TAFA2: variants seen among roughly 807,000 people sequenced by gnomAD.
TAFA2 encodes chemokine-like protein TAFA-2.
In TAFA2, 7 loss-of-function variants were observed where a neutral mutation model predicts 18.8. The ratio of observed to expected loss-of-function variants is 0.37; its 90% confidence interval spans 0.21 to 0.70. The LOEUF (loss-of-function observed/expected upper bound fraction) is 0.70, where lower values mean the gene tolerates loss of function less well. Among genes scored for constraint, TAFA2 ranks in the 30% least tolerant of loss-of-function variants. TAFA2 has a pLI of 0.53. For missense variants in TAFA2, 122 were observed against 158.1 expected (o/e 0.77, Z 1.23); for synonymous variants, 60 against 54.2 (o/e 1.11, Z -0.47).
At chr12:61,841,464 T>C (rs1295914924) in intron 2 of TAFA2, among the ~76,000 whole-genome samples, 2 of 152,092 alleles carry the variant, frequency 1.3e-5, no homozygotes, top group African/African-American at 4.8e-5. Flanking sequence ...GCTGTAAACA[T>C]GTGCATTAAT....
At chr12:61,873,863 T>C (rs955981444) in intron 1 of TAFA2, among the ~76,000 whole-genome samples, 2 of 152,116 alleles carry the variant, frequency 1.3e-5, no homozygotes, top group African/African-American at 4.8e-5. Context: ...TCGGTATTCA[T>C]AGAGATTAAA....
upstream of TAFA2, among the ~76,000 whole-genome samples, chr12:62,259,268 C>A (rs1408604100): frequency 6.6e-6 from 1 of 152,070 alleles, no homozygotes; most frequent in African/African-American, 2.4e-5. Context: ...AGTAATTTTG[C>A]CACAATTCAT....
intron 1 of TAFA2, among the ~76,000 whole-genome samples, chr12:62,246,233 G>T (rs916606514): frequency 6.6e-6 from 1 of 152,104 alleles, no homozygotes; most frequent in Non-Finnish European, 1.5e-5. Context: ...TGATCTGCCC[G>T]CCTGGGCCTC....
At chr12:62,190,885 C>T (rs991423004) in intron 1 of TAFA2, among the ~76,000 whole-genome samples, 17 of 152,138 alleles carry the variant, frequency 1.1e-4, no homozygotes, top group African/African-American at 4.1e-4. Context: ...AAATGGTTAC[C>T]AGCCAGGATG....
At chr12:62,142,902 G>A (rs2136909233) in intron 1 of TAFA2, among the ~76,000 whole-genome samples, 1 of 152,224 alleles carries the variant, frequency 6.6e-6, no homozygotes, top group South Asian at 2.1e-4. Flanking sequence ...TAATCCTTAT[G>A]AGAACGCTAT....
At chr12:62,219,720 C>T (rs1034799704) in intron 1 of TAFA2, among the ~76,000 whole-genome samples, 12 of 152,118 alleles carry the variant, frequency 7.9e-5, no homozygotes, top group Admixed American at 6.5e-4. Flanking sequence ...ATATAAATCA[C>T]TCACCCAGTA....
At chr12:62,160,494 T>C (rs748763299) in intron 1 of TAFA2, among the ~76,000 whole-genome samples, 15 of 152,234 alleles carry the variant, frequency 9.9e-5, no homozygotes, top group Non-Finnish European at 1.8e-4. Context: ...TTTGTCTTTG[T>C]ACCCCTAACC....
intron 1 of TAFA2, among the ~76,000 whole-genome samples, chr12:62,080,577 T>C (rs1268070315): frequency 6.6e-6 from 1 of 152,174 alleles, no homozygotes; most frequent in Non-Finnish European, 1.5e-5. Context: ...GCTACTGGTA[T>C]GGCTTCTCTG....
chr12:61,793,897 G>A (rs1871086415), intron 2 of TAFA2, among the ~76,000 whole-genome samples: 1 of 151,706 alleles, frequency 6.6e-6, no homozygotes, highest in South Asian at 2.1e-4. Context: ...GACCAAGTTG[G>A]GGTTTACTAG....
At chr12:62,078,428 AAAG>A (rs1202750114) in intron 1 of TAFA2, among the ~76,000 whole-genome samples, 1 of 151,532 alleles carries the variant, frequency 6.6e-6, no homozygotes, top group Admixed American at 6.6e-5. Context: ...AAAAAAAAAA[AAAG>A]AACTGGATCA....
At chr12:61,752,292 A>C (rs1869057042) in intron 4 of TAFA2, among the ~76,000 whole-genome samples, 1 of 152,148 alleles carries the variant, frequency 6.6e-6, no homozygotes, top group South Asian at 2.1e-4. Flanking sequence ...TGAAGTAATA[A>C]AAACAAAGAA....
At chr12:61,876,054 A>G (rs1462328631) in intron 1 of TAFA2, among the ~76,000 whole-genome samples, 1 of 152,156 alleles carries the variant, frequency 6.6e-6, no homozygotes, top group Non-Finnish European at 1.5e-5. Flanking sequence ...TCTGCACATA[A>G]TATCTAATTC....
chr12:62,134,123 G>T (rs1020730992), intron 1 of TAFA2, among the ~76,000 whole-genome samples: 3 of 151,654 alleles, frequency 2.0e-5, no homozygotes, highest in Non-Finnish European at 4.4e-5. Context: ...GGATTTTTCT[G>T]GTCCTTCAAG....
chr12:62,120,181 G>A (rs948431543), intron 1 of TAFA2, among the ~76,000 whole-genome samples: 1 of 151,994 alleles, frequency 6.6e-6, no homozygotes, highest in African/African-American at 2.4e-5. Context: ...ACAAAAATTT[G>A]CTCCACAATA....
chr12:62,003,301 ACCGCAC>A (rs1880440504), intron 1 of TAFA2, among the ~76,000 whole-genome samples: 1 of 152,150 alleles, frequency 6.6e-6, no homozygotes. Context: ...CCAGCCATGA[ACCGCAC>A]CCCCTTATGT....
At chr12:61,785,456 ACT>A (rs1870697188) in intron 2 of TAFA2, among the ~76,000 whole-genome samples, 1 of 150,604 alleles carries the variant, frequency 6.6e-6, no homozygotes, top group Non-Finnish European at 1.5e-5. Context: ...TTATTTTCTG[ACT>A]CATAAGGAAT....
chr12:61,746,661 T>C (rs183624406), intron 4 of TAFA2, among the ~76,000 whole-genome samples: 166 of 152,266 alleles, frequency 1.1e-3, no homozygotes, highest in Middle Eastern at 6.8e-3. Flanking sequence ...AGTCATTAAA[T>C]TTGTGGTAAT....
chr12:62,035,897 A>G (rs923076195), intron 1 of TAFA2, among the ~76,000 whole-genome samples: 2 of 151,328 alleles, frequency 1.3e-5, no homozygotes, highest in African/African-American at 4.9e-5. Context: ...GCGCGCCACC[A>G]TGCCCGGCTA....
At chr12:61,979,531 G>A (rs1253414478) in intron 1 of TAFA2, among the ~76,000 whole-genome samples, 1 of 152,076 alleles carries the variant, frequency 6.6e-6, no homozygotes, top group Non-Finnish European at 1.5e-5. Flanking sequence ...CTTTCCCAGG[G>A]TATAGGAAGA....
Sources: allele counts gnomAD v4.1 joint callset (sites outside exome capture counted in the v4.1 genomes callset), GRCh38; gene constraint gnomAD v4.1.1; transcripts MANE v1.5; gene names NCBI Gene and HGNC (gene_info 2026-07-23, HGNC 2026-07-21).